The following DLG4 variants were observed in gnomAD, a reference collection of about 807,000 sequenced individuals.
The protein encoded by DLG4 is discs large MAGUK scaffold protein 4.
In DLG4, 7 loss-of-function variants were observed where a neutral mutation model predicts 93.8. The observed-to-expected ratio is 0.07, with a 90% CI of 0.04 to 0.14. DLG4 has a LOEUF of 0.14. Ranked by LOEUF, DLG4 falls within the 10% of genes least tolerant of loss-of-function variation. The pLI, the probability that DLG4 is intolerant of heterozygous loss-of-function variation, is 1.00. For synonymous variants in DLG4, 341 were observed against 387.6 expected (o/e 0.88, Z 1.41); for missense variants, 545 against 992.9 (o/e 0.55, Z 6.06).
Position 7,203,694 on chromosome 17 carries a change from G to A in DLG4, c.333C>T (p.Leu111=). Residue 111 remains leucine (L), a splice_region_variant and synonymous_variant, in exon 5 of 20, where the codon CTC becomes CTT. Transcript: ENST00000399506. The surrounding 1 kb of genome is among the most constrained non-coding windows in gnomAD (Gnocchi z 7.2). ...PGGAAAQDGR[L]RVNDSILFVN... ...TAACCCCTGTCTCCTCTCCCCACCT[G>A]AGGCGGCCATCCTGGGCCGCAGCCC... is the stretch of plus-strand genomic sequence containing the variant. 1 of 1,613,914 alleles carries A rather than the reference G, an allele frequency of 6.2e-7. No homozygotes were observed. The highest frequency in any genetic ancestry group is 8.5e-7 in the Non-Finnish European group (1 of 1,179,864).
At position 7,208,281 on chromosome 17, in the gene DLG4, C is replaced by T. The variant is rs1199057485; in HGVS notation, c.31-42G>A. ...AGGTGTCACTGGGGCCAGCCCGGTG[C>T]CTCAGGCTCCAGGCTGGCCGCCCTG... is the stretch of plus-strand genomic sequence containing the variant. On this transcript the variant is annotated intron_variant, in intron 1 of 19. Coordinates refer to ENST00000399506, the MANE Select transcript of DLG4 (RefSeq NM_001321075.3). The surrounding 1 kb of genome is among the most constrained non-coding windows in gnomAD (Gnocchi z 5.4). The T allele has an allele frequency of 3.1e-6, 4 of 1,308,560 alleles. No individual in the cohort carries two copies. In the African/African-American group the frequency reaches 6.0e-5, roughly 20 times the overall value. 81.1% of individuals were successfully genotyped at this position (1,308,560 alleles called of 1,614,324 possible).
chr17:7,202,106 C>T (rs1345356616), intron 8 of DLG4, among the ~76,000 whole-genome samples: 7 of 152,186 alleles, frequency 4.6e-5, no homozygotes, highest in Non-Finnish European at 8.8e-5. Flanking sequence ...TTTCTCCTCT[C>T]GCTCTGTCAC....
rs1376001985 is a variant in DLG4 at position 7,187,566 on chromosome 17, A to AATAATAATG, written c.*3141_*3142insCATTATTAT. Among the ~76,000 whole-genome samples the AATAATAATG allele has an allele frequency of 6.6e-6, 1 of 151,032 alleles. No homozygotes were observed. The highest frequency in any genetic ancestry group is 1.5e-5 in the Non-Finnish European group (1 of 67,774). On this transcript the variant is annotated 3_prime_UTR_variant, in exon 20 of 20. Coordinates refer to ENST00000399506, the MANE Select transcript of DLG4 (RefSeq NM_001321075.3). ...TGTCTCCAATAATAATAATAATAAT[A>AATAATAATG]ATAATAATAATACATGCAAAATTAT...
upstream of DLG4, chr17:7,219,125 G>A: frequency 1.9e-6 from 1 of 530,958 alleles, no homozygotes; most frequent in Non-Finnish European, 3.3e-6. Context: ...AAGAAGCTGA[G>A]CCCAGCTCTC....
chr17:7,218,515 G>A, upstream of DLG4: 3 of 1,548,916 alleles, frequency 1.9e-6, no homozygotes, highest in Non-Finnish European at 2.6e-6. Context: ...TGGAGGCCCA[G>A]GTCCCTCAGA....
In DLG4 at chr17:7,188,128, A is replaced by G. The variant is rs1030322626; in HGVS notation, c.*2580T>C. Among the ~76,000 whole-genome samples, 1 of 151,926 alleles carries G rather than the reference A, an allele frequency of 6.6e-6. No individual in the cohort carries two copies. Among genetic ancestry groups the G allele is most frequent in the African/African-American group, 2.4e-5 (1 of 41,376 alleles). ...TGCTTCTCCACCCAGTGAGACATCA[A>G]AATCACCCGGGAGCTTTCCAGAAAT... On this transcript the variant is annotated 3_prime_UTR_variant, in exon 20 of 20. Coordinates refer to ENST00000399506, the MANE Select transcript of DLG4 (RefSeq NM_001321075.3).
At chr17:7,218,753 T>C (rs112144905), upstream of DLG4, 8 of 1,591,660 alleles carry the variant, frequency 5.0e-6, no homozygotes, top group African/African-American at 1.3e-5. Context: ...ACGGAAAGAT[T>C]TGGGGAGAAG....
intron 17 of DLG4, chr17:7,192,235 C>T: frequency 2.3e-6 from 1 of 428,856 alleles, no homozygotes; most frequent in Non-Finnish European, 4.1e-6. Context: ...AGGGCAGGGA[C>T]AGGACAGAAT....
rs2069675960 is a variant in DLG4 at position 7,194,657 on chromosome 17, C to T, written c.1302-162G>A. Reference sequence around the variant, plus strand: ...TGTGGGGACCAAACGCTGACTATAACTCATAACAACTATTAGCCATCACTC... The same window carrying T: ...TGTGGGGACCAAACGCTGACTATAATTCATAACAACTATTAGCCATCACTC... On this transcript the variant is annotated intron_variant, in intron 11 of 19. Transcript: ENST00000399506. The surrounding 1 kb of genome is among the most constrained non-coding windows in gnomAD (Gnocchi z 4.4). Among the ~76,000 whole-genome samples the T allele has an allele frequency of 6.6e-6, 1 of 152,216 alleles. No individual in the cohort carries two copies. Among genetic ancestry groups the T allele is most frequent in the Admixed American group, 6.5e-5 (1 of 15,282 alleles).
chr17:7,200,911 G>C (rs2070097210), intron 8 of DLG4, among the ~76,000 whole-genome samples: 1 of 142,844 alleles, frequency 7.0e-6, no homozygotes, highest in South Asian at 2.2e-4. Flanking sequence ...CCAGGCTGGA[G>C]TGCAGTGGTG....
rs1441182213 is a variant in DLG4, at chr17:7,195,346, G to A, written c.1302-851C>T. ...CACTACACAACCTCTGTGGTCACTG[G>A]GAGTCAGAACAACCTTGGGGACCAA... On this transcript the variant is annotated intron_variant, in intron 11 of 19. Coordinates refer to ENST00000399506, the MANE Select transcript of DLG4 (RefSeq NM_001321075.3). The surrounding 1 kb of genome is among the most constrained non-coding windows in gnomAD (Gnocchi z 4.3). 2.0e-5 allele frequency among the ~76,000 whole-genome samples: 3 copies of A among 152,144 alleles called. No homozygotes were observed. Among genetic ancestry groups the A allele is most frequent in the Non-Finnish European group, 4.4e-5 (3 of 68,024 alleles).
Position 7,195,103 on chromosome 17 carries a change from C to G in DLG4, c.1302-608G>C, listed in dbSNP as rs2069707713. 2.0e-5 allele frequency among the ~76,000 whole-genome samples: 3 copies of G among 152,058 alleles called. No individual in the cohort carries two copies. In the South Asian group the frequency reaches 6.2e-4, roughly 32 times the overall value. ...ACATCATAAAGTCACAGGGGTAACC[C>G]TGAATCTGCCCAAATTCATAAGAAA... On this transcript the variant is annotated intron_variant, in intron 11 of 19. Transcript: ENST00000399506. This position sits in a 1 kb window ranked among gnomAD's most constrained non-coding sequence, Gnocchi z 4.3.
At chr17:7,212,060 A>G (rs573018235) in intron 1 of DLG4, among the ~76,000 whole-genome samples, 1 of 152,062 alleles carries the variant, frequency 6.6e-6, no homozygotes, top group East Asian at 1.9e-4. Flanking sequence ...CTAATCCCCC[A>G]ACCCCAACAT....
chr17:7,201,046 T>C (rs2070107322), intron 8 of DLG4, among the ~76,000 whole-genome samples: 1 of 151,812 alleles, frequency 6.6e-6, no homozygotes, highest in Non-Finnish European at 1.5e-5. Flanking sequence ...GTATTTTTAG[T>C]AGAGACAGCG....
intron 1 of DLG4, among the ~76,000 whole-genome samples, chr17:7,210,398 C>G (rs955386346): frequency 5.3e-5 from 8 of 152,206 alleles, no homozygotes; most frequent in Non-Finnish European, 7.3e-5. Flanking sequence ...AAGATTGAGT[C>G]TATTCTCTGG....
At position 7,196,055 on chromosome 17, in the gene DLG4, T is replaced by C. The variant is rs1378477550; in HGVS notation, c.1301+165A>G. Among the ~76,000 whole-genome samples, 1 of 152,160 alleles carries C rather than the reference T, an allele frequency of 6.6e-6. No individual in the cohort carries two copies. Among genetic ancestry groups the C allele is most frequent in the African/African-American group, 2.4e-5 (1 of 41,440 alleles). ...TCCCATCGACAGGGAGTATTTCAAA[T>C]GTTAACCTGTGCAGCCAAGCCCATG... On this transcript the variant is annotated intron_variant, in intron 11 of 19. Transcript: ENST00000399506. This position sits in a 1 kb window ranked among gnomAD's most constrained non-coding sequence, Gnocchi z 8.3.
chr17:7,196,255 G>A lies in DLG4; in HGVS notation c.1266C>T (p.Ser422=), dbSNP rs1181621442. The A allele has an allele frequency of 6.2e-7, 1 of 1,614,010 alleles. No individual in the cohort carries two copies. Among genetic ancestry groups the A allele is most frequent in the East Asian group, 2.2e-5 (1 of 44,862 alleles). ...MNSSLGSGTA[S]LRSNPKRGFY... is the part of the protein sequence containing the mutation. ...AACCCCTTTTGGGGTTGCTCCGCAGGGACGCAGTCCCTGAGCCCAGGCTGC... is the reference window on the plus strand; with the variant it reads ...AACCCCTTTTGGGGTTGCTCCGCAGAGACGCAGTCCCTGAGCCCAGGCTGC... Residue 422 remains serine (S), a synonymous_variant, in exon 11 of 20, where the codon TCC becomes TCT. Coordinates refer to ENST00000399506, the MANE Select transcript of DLG4 (RefSeq NM_001321075.3). The surrounding 1 kb of genome is among the most constrained non-coding windows in gnomAD (Gnocchi z 8.3).
chr17:7,191,727 G>T lies in DLG4; in HGVS notation c.1976+166C>A, dbSNP rs2142812078. ...GTCTAGCCAAGGCAGGAGAGGAGGG[G>T]AAAGACCCGATTCCCCCACATCCTC... On this transcript the variant is annotated intron_variant, in intron 18 of 19. Coordinates refer to ENST00000399506, the MANE Select transcript of DLG4 (RefSeq NM_001321075.3). This position sits in a 1 kb window ranked among gnomAD's most constrained non-coding sequence, Gnocchi z 6.6. 3.5e-6 allele frequency: 2 copies of T among 570,878 alleles called. No homozygotes were observed. The highest frequency in any genetic ancestry group is 5.9e-5 in the South Asian group (2 of 33,928). 35.4% of individuals were successfully genotyped at this position (570,878 alleles called of 1,614,324 possible). A position where few individuals can be genotyped will look rare whatever the true frequency, so the allele number is the denominator to read the frequency against.
Position 7,188,335 on chromosome 17 carries a change from C to A in DLG4, c.*2373G>T, listed in dbSNP as rs2069350260. Among the ~76,000 whole-genome samples the A allele has an allele frequency of 6.6e-6, 1 of 152,176 alleles. No homozygotes were observed. Among genetic ancestry groups the A allele is most frequent in the African/African-American group, 2.4e-5 (1 of 41,436 alleles). On this transcript the variant is annotated 3_prime_UTR_variant, in exon 20 of 20. Transcript: ENST00000399506. ...ACAGAATCACTACCCCTGGGTTGGT[C>A]TTTTGCATGAAACTCTCAACTTTAG... is the stretch of plus-strand genomic sequence containing the variant.
Sources: gnomAD v4.1 joint callset for allele counts (sites outside exome capture counted in the v4.1 genomes callset) on GRCh38, gnomAD v4.1.1 for gene constraint, Gnocchi (gnomAD v3.1) non-coding constraint, MANE v1.5 for transcripts, NCBI Gene and HGNC (gene_info 2026-07-23, HGNC 2026-07-21) for gene names.